AMY2A: variants seen among roughly 807,000 people sequenced by gnomAD.
AMY2A encodes pancreatic alpha-amylase.
Under a neutral mutation model 43.0 loss-of-function variants are expected in AMY2A, and 16 were observed. That is an observed-to-expected ratio of 0.37 (90% confidence interval 0.25 to 0.56). AMY2A has a LOEUF of 0.56. Among genes scored for constraint, AMY2A ranks in the 20% least tolerant of loss-of-function variants. The pLI, the probability that AMY2A is intolerant of heterozygous loss-of-function variation, is 0.77. For missense variants in AMY2A, 212 were observed against 456.8 expected, an observed-to-expected ratio of 0.46 and a Z score of 4.89; for synonymous variants, 70 against 144.6, an observed-to-expected ratio of 0.48 and a Z score of 3.70.
chr1:103,617,492 T>G lies in AMY2A; in HGVS notation c.52T>G (p.Ser18Ala), dbSNP rs1031007626. 2 of 1,600,850 alleles carry G rather than the reference T, an allele frequency of 1.2e-6. No homozygotes were observed. The highest frequency in any genetic ancestry group is 8.5e-7 in the Non-Finnish European group (1 of 1,170,852). Residue 18 changes from serine (S) to alanine (A), a missense_variant, in exon 1 of 10, where the codon TCC becomes GCC. This residue lies in a region of AMY2A where 199 missense variants were observed against 210.6 expected (regional missense o/e 0.94). Coordinates refer to ENST00000414303, the MANE Select transcript of AMY2A (RefSeq NM_000699.4). ...FTIGFCWAQY[S>A]PNTQQGRTSI... ...CATTGGGTTCTGCTGGGCTCAGTAT[T>G]CCCCAAATACACAACAAGGACGGAC...
Position 103,617,583 on chromosome 1 carries a change from C to A in AMY2A, c.143C>A (p.Ala48Asp). Residue 48 changes from alanine to aspartate, a missense_variant, in exon 1 of 10, where the codon GCT becomes GAT. By Grantham distance (126) the Ala-to-Asp change is moderately radical. Around this residue, in one of 2 missense-constraint regions of AMY2A, gnomAD observed 199 missense variants for 210.6 expected, o/e 0.94. Transcript: ENST00000414303. ...GCTCTTGAATGTGAGCGATATTTAG[C>A]TCCGAAGGGATTTGGAGGGGTTCAG... is the stretch of plus-strand genomic sequence containing the variant. ...DIALECERYL[A>D]PKGFGGVQVS... 9 of 1,600,924 alleles carry A rather than the reference C, an allele frequency of 5.6e-6. 2 individuals carry two copies. The highest frequency in any genetic ancestry group is 7.7e-6 in the Non-Finnish European group (9 of 1,170,908).
intron 1 of AMY2A, 131 bp from the exon 2 acceptor site, chr1:103,617,823 T>C: frequency 6.5e-7 from 1 of 1,539,464 alleles, no homozygotes; most frequent in East Asian, 2.2e-5. Context: ...CAATGTGCTG[T>C]TAATATTTTC....
chr1:103,618,154 C>T (rs1468166052), intron 2 of AMY2A, 54 bp downstream of exon 2: 1 of 1,563,080 alleles, frequency 6.4e-7, no homozygotes, highest in African/African-American at 1.4e-5. Flanking sequence ...TGGTTTCTCT[C>T]TCTTCTTTCT....
chr1:103,616,794 C>A, upstream of AMY2A: 1 of 176,650 alleles, frequency 5.7e-6, no homozygotes, highest in Non-Finnish European at 1.1e-5. Flanking sequence ...TAAAAACATG[C>A]TTGTGGAAGA....
At position 103,619,657 on chromosome 1, in the gene AMY2A, T is replaced by C. The variant is rs1653180660; in HGVS notation, c.617T>C (p.Val206Ala). The change falls in exon 4 of 10, where the codon GTT becomes GCT. Residue 206 changes from valine to alanine, a missense_variant. Val to Ala is a moderately conservative substitution (Grantham distance 64). Around this residue, in one of 2 missense-constraint regions of AMY2A, gnomAD observed 13 missense variants for 246.2 expected, o/e 0.05. Transcript: ENST00000414303. ...EYMNHLIDIG[V>A]AGFRLDASKH... ...ATGAACCATCTCATTGACATTGGTG[T>C]TGCAGGGTTCAGACTTGATGCTTCC... 2 of 1,613,712 alleles carry C rather than the reference T, an allele frequency of 1.2e-6. No homozygotes were observed. Among genetic ancestry groups the C allele is most frequent in the East Asian group, 4.5e-5 (2 of 44,870 alleles).
At chr1:103,618,873 T>G (rs1229942830) in intron 2 of AMY2A, 38 bp from the exon 3 acceptor site, 1 of 684,672 alleles carries the variant, frequency 1.5e-6, no homozygotes, top group Non-Finnish European at 2.5e-6. Flanking sequence ...TTTCTACCTC[T>G]CTGTAAGTCA....
At chr1:103,616,958 TCCAAG>T, upstream of AMY2A, 1 of 1,032,488 alleles carries the variant, frequency 9.7e-7, no homozygotes, top group South Asian at 3.1e-5. Flanking sequence ...GGTTGGAAAG[TCCAAG>T]CCATAGGACC....
chr1:103,619,226 A>G (rs1653165632), intron 3 of AMY2A, 118 bp downstream of exon 3: 1 of 623,380 alleles, frequency 1.6e-6, no homozygotes. Flanking sequence ...GACAGAAGTT[A>G]ACAAGTTTGA....
chr1:103,616,970 G>T (rs1653093154), upstream of AMY2A: 1 of 1,041,190 alleles, frequency 9.6e-7, no homozygotes, highest in Non-Finnish European at 1.2e-6. Context: ...CAAGCCATAG[G>T]ACCCAGTTTC....
rs776653295 is a variant in AMY2A, at chr1:103,619,050, A to G, written c.455A>G (p.Asn152Ser). ...GTCCCATATTCTGGATGGGATTTCA[A>G]TGATGGTAAATGTAAAACTGGAAGT... ...PAVPYSGWDF[N>S]DGKCKTGSGD... is the part of the protein sequence containing the mutation. The change falls in exon 3 of 10, where the codon AAT (asparagine) becomes AGT (serine). Residue 152 changes from asparagine to serine, a missense_variant. Asn to Ser is a conservative substitution (Grantham distance 46, BLOSUM62 1). This residue lies in a region of AMY2A where 199 missense variants were observed against 210.6 expected (regional missense o/e 0.94). Coordinates refer to ENST00000414303, the MANE Select transcript of AMY2A (RefSeq NM_000699.4). 42 of 1,289,626 alleles carry G rather than the reference A, an allele frequency of 3.3e-5. No individual in the cohort carries two copies. The highest frequency in any genetic ancestry group is 4.3e-5 in the Non-Finnish European group (41 of 955,940). The allele number at this position is 1,289,626 out of a possible 1,614,324, so 79.9% of individuals were successfully genotyped here.
rs576723235 is a variant in AMY2A at position 103,619,348 on chromosome 1, G to A, written c.514-206G>A. ...GAAGTTCCCAATTAAAAATCTCATC[G>A]ACTTTATTTCCTAAATTCTCTATTT... On this transcript the variant is annotated intron_variant, in intron 3 of 9. Transcript: ENST00000414303. 2.7e-5 allele frequency among the ~76,000 whole-genome samples: 4 copies of A among 150,280 alleles called. No individual in the cohort carries two copies. The East Asian group carries it at 7.8e-4, about 29-fold the overall frequency.
intron 1 of AMY2A, 51 bp downstream of exon 1, chr1:103,617,659 A>T: frequency 1.9e-6 from 3 of 1,600,804 alleles, no homozygotes; most frequent in Non-Finnish European, 2.6e-6. Flanking sequence ...CTTGTAGGAA[A>T]TAGTATTCTG....
rs757837352 is a variant in AMY2A at position 103,617,567 on chromosome 1, T to G, written c.127T>G (p.Cys43Gly). ...EWRWVDIALE[C>G]ERYLAPKGFG... Reference sequence around the variant, plus strand: ...GCGATGGGTTGATATTGCTCTTGAATGTGAGCGATATTTAGCTCCGAAGGG... The same window carrying G: ...GCGATGGGTTGATATTGCTCTTGAAGGTGAGCGATATTTAGCTCCGAAGGG... The change falls in exon 1 of 10, where the codon TGT (cysteine) becomes GGT (glycine). Residue 43 changes from cysteine to glycine, a missense_variant. Coordinates refer to ENST00000414303, the MANE Select transcript of AMY2A (RefSeq NM_000699.4). The G allele has an allele frequency of 6.2e-7, 1 of 1,600,866 alleles. No individual in the cohort carries two copies. Among genetic ancestry groups the G allele is most frequent in the Non-Finnish European group, 8.5e-7 (1 of 1,170,896 alleles).
At chr1:103,617,074 C>A, upstream of AMY2A, 2 of 972,690 alleles carry the variant, frequency 2.1e-6, no homozygotes, top group Non-Finnish European at 2.6e-6. Context: ...AAGTATTCAT[C>A]CTTTTAATTT....
At position 103,617,493 on chromosome 1, in the gene AMY2A, C is replaced by T. The variant is rs1316755105; in HGVS notation, c.53C>T (p.Ser18Phe). The change falls in exon 1 of 10, where the codon TCC (serine) becomes TTC (phenylalanine). Residue 18 changes from serine to phenylalanine, a missense_variant. Physicochemically the swap from Ser to Phe is radical, Grantham distance 155. Coordinates refer to ENST00000414303, the MANE Select transcript of AMY2A (RefSeq NM_000699.4). The stretch of plus-strand genomic sequence containing the variant: ...ATTGGGTTCTGCTGGGCTCAGTATT[C>T]CCCAAATACACAACAAGGACGGACA... ...FTIGFCWAQYSPNTQQGRTSI... is the reference protein window; with the variant it reads ...FTIGFCWAQYFPNTQQGRTSI... 6.2e-7 allele frequency: 1 copy of T among 1,600,754 alleles called. No individual in the cohort carries two copies. The highest frequency in any genetic ancestry group is 1.3e-5 in the African/African-American group (1 of 74,746).
intron 2 of AMY2A, among the ~76,000 whole-genome samples, chr1:103,618,461 T>C (rs1653142925): frequency 6.6e-6 from 1 of 150,776 alleles, no homozygotes; most frequent in African/African-American, 2.4e-5. Flanking sequence ...CCGTAATTCT[T>C]GGGTTTTTCA....
upstream of AMY2A, chr1:103,617,270 G>T: frequency 7.4e-7 from 1 of 1,353,840 alleles, no homozygotes; most frequent in Non-Finnish European, 1.0e-6. Flanking sequence ...TTCCATGAGA[G>T]ACTTTTTGAT....
rs1243362940 is a variant in AMY2A at position 103,618,198 on chromosome 1, AT to A, written c.315+105del. The A allele has an allele frequency of 2.7e-6, 4 of 1,476,020 alleles. 1 individual carries two copies. Among genetic ancestry groups the A allele is most frequent in the Non-Finnish European group, 3.6e-6 (4 of 1,102,184 alleles). 91.4% of individuals were successfully genotyped at this position (1,476,020 alleles called of 1,614,324 possible). A position where few individuals can be genotyped will look rare whatever the true frequency, so the allele number is the denominator to read the frequency against. ...TTCAGCAGAAAATTTTCCGTATTTT[AT>A]TTTTTTAATTTTACTTCATAATTTA... On this transcript the variant is annotated intron_variant, in intron 2 of 9. Transcript: ENST00000414303.
At chr1:103,619,297 A>T (rs911322156) in intron 3 of AMY2A, among the ~76,000 whole-genome samples, 189 bp downstream of exon 3, 7 of 150,336 alleles carry the variant, frequency 4.7e-5, no homozygotes, top group African/African-American at 1.7e-4. Context: ...AAGATTTTTA[A>T]TCAATACACA....
Sources: allele counts gnomAD v4.1 joint callset (sites outside exome capture counted in the v4.1 genomes callset), GRCh38; gene constraint gnomAD v4.1.1; regional missense constraint gnomAD v4.1.1; transcripts MANE v1.5; gene names NCBI Gene and HGNC (gene_info 2026-07-23, HGNC 2026-07-21).